Variants in NELL1 observed in about 807,000 individuals in gnomAD.
The protein encoded by NELL1 is neural EGFL like 1.
In NELL1, 76 loss-of-function variants were observed where a neutral mutation model predicts 107.4. The ratio of observed to expected loss-of-function variants is 0.71; its 90% CI spans 0.59 to 0.86. The LOEUF is 0.86. Ranked by LOEUF, NELL1 falls within the 40% of genes least tolerant of loss-of-function variation. The probability of loss-of-function intolerance (pLI) is 0.00; values close to 1 mark genes in which losing one functional copy is unlikely to be tolerated. For missense variants in NELL1, 1,024 were observed against 1,005.5 expected, an observed-to-expected ratio of 1.02 and a Z score of -0.25; for synonymous variants, 353 against 341.2, an observed-to-expected ratio of 1.03 and a Z score of -0.38.
At chr11:21,441,796 C>T (rs993481333) in intron 15 of NELL1, among the ~76,000 whole-genome samples, 34 of 152,196 alleles carry the variant, frequency 2.2e-4, no homozygotes, top group African/African-American at 7.0e-4. Context: ...TATTAAATGC[C>T]TTGGCTAAAC....
At chr11:21,554,218 A>G (rs1856654909) in intron 16 of NELL1, among the ~76,000 whole-genome samples, 1 of 151,910 alleles carries the variant, frequency 6.6e-6, no homozygotes, top group Admixed American at 6.6e-5. Context: ...TGATTAATTT[A>G]GAAGAAACTT....
intron 14 of NELL1, among the ~76,000 whole-genome samples, chr11:21,308,543 A>G (rs761557815): frequency 6.6e-5 from 10 of 152,092 alleles, no homozygotes; most frequent in Non-Finnish European, 1.0e-4. Context: ...TTCTTTTATC[A>G]TGGAGCTTAT....
chr11:20,858,677 A>T (rs1421805282), intron 4 of NELL1, among the ~76,000 whole-genome samples: 1 of 152,168 alleles, frequency 6.6e-6, no homozygotes, highest in African/African-American at 2.4e-5. Context: ...TCTTATCCAT[A>T]AACTCTCCAA....
chr11:20,826,913 T>C (rs1339123509), intron 3 of NELL1, among the ~76,000 whole-genome samples: 1 of 151,270 alleles, frequency 6.6e-6, no homozygotes, highest in African/African-American at 2.4e-5. Flanking sequence ...GCTGAAGGTA[T>C]ACTTTTGTGT....
chr11:20,835,990 AC>A (rs1564928330), intron 3 of NELL1, among the ~76,000 whole-genome samples: 2 of 152,172 alleles, frequency 1.3e-5, no homozygotes, highest in African/African-American at 4.8e-5. Context: ...GATTAAAAAA[AC>A]AAGTTATAGA....
intron 14 of NELL1, among the ~76,000 whole-genome samples, chr11:21,236,890 T>G (rs1858221435): frequency 6.6e-6 from 1 of 152,092 alleles, no homozygotes; most frequent in Non-Finnish European, 1.5e-5. Flanking sequence ...AGAAACATAC[T>G]TTTGCCTATA....
intron 15 of NELL1, among the ~76,000 whole-genome samples, chr11:21,425,757 A>C (rs992406074): frequency 5.3e-5 from 8 of 152,210 alleles, no homozygotes; most frequent in Non-Finnish European, 8.8e-5. Flanking sequence ...ATAGAAAACT[A>C]ATACAAAGAT....
intron 12 of NELL1, among the ~76,000 whole-genome samples, chr11:21,063,828 TAAAC>T (rs1853803166): frequency 6.6e-6 from 1 of 152,184 alleles, no homozygotes; most frequent in South Asian, 2.1e-4. Context: ...CAGACAACAA[TAAAC>T]AAACTAACTA....
At chr11:21,222,595 T>C (rs926383545) in intron 13 of NELL1, among the ~76,000 whole-genome samples, 2 of 152,208 alleles carry the variant, frequency 1.3e-5, no homozygotes, top group Non-Finnish European at 2.9e-5. Flanking sequence ...GCTCTTGCTT[T>C]TGAAATCACT....
chr11:21,511,573 G>T (rs892425512), intron 15 of NELL1, among the ~76,000 whole-genome samples: 1 of 152,172 alleles, frequency 6.6e-6, no homozygotes, highest in Non-Finnish European at 1.5e-5. Flanking sequence ...AGGAAGCAAG[G>T]TAATGGATTA....
At chr11:21,492,890 T>TATA (rs375172796) in intron 15 of NELL1, among the ~76,000 whole-genome samples, 21 of 151,528 alleles carry the variant, frequency 1.4e-4, no homozygotes, top group South Asian at 2.1e-4. Context: ...AAACTTAAAG[T>TATA]ATAATAATAA....
At chr11:21,253,979 G>A (rs1858706224) in intron 14 of NELL1, among the ~76,000 whole-genome samples, 1 of 152,118 alleles carries the variant, frequency 6.6e-6, no homozygotes, top group South Asian at 2.1e-4. Flanking sequence ...TGACTACTGA[G>A]GGGATGCAGA....
chr11:20,975,955 A>G (rs183074851), intron 12 of NELL1, among the ~76,000 whole-genome samples: 2 of 132,332 alleles, frequency 1.5e-5, no homozygotes, highest in Non-Finnish European at 3.1e-5. Flanking sequence ...ATATATGTAC[A>G]TTATATATAC....
chr11:21,545,150 A>G (rs1013931271), intron 16 of NELL1, among the ~76,000 whole-genome samples: 1 of 152,124 alleles, frequency 6.6e-6, no homozygotes, highest in East Asian at 1.9e-4. Context: ...TTTTTGACAA[A>G]CATATTTCTT....
intron 12 of NELL1, among the ~76,000 whole-genome samples, chr11:21,015,629 G>T (rs1315514001): frequency 1.3e-5 from 2 of 152,006 alleles, no homozygotes; most frequent in East Asian, 1.9e-4. Context: ...AAACACCTTT[G>T]TTTGGTAATG....
chr11:20,948,779 A>C (rs1590451781), intron 11 of NELL1, among the ~76,000 whole-genome samples: 2 of 151,612 alleles, frequency 1.3e-5, no homozygotes, highest in Non-Finnish European at 2.9e-5. Context: ...AAAAAAAAAA[A>C]AAAAAAAACA....
intron 15 of NELL1, among the ~76,000 whole-genome samples, chr11:21,491,095 A>T (rs1854794951): frequency 6.6e-6 from 1 of 152,102 alleles, no homozygotes; most frequent in Non-Finnish European, 1.5e-5. Context: ...AAACAACTCA[A>T]CAATAATATA....
At chr11:20,928,509 G>C in intron 9 of NELL1, 30 bp downstream of exon 9, 8 of 1,538,004 alleles carry the variant, frequency 5.2e-6, no homozygotes, top group Non-Finnish European at 7.2e-6. Context: ...CAGACTGGCT[G>C]TCTGTGTTTT....
chr11:21,499,609 G>A (rs969859926), intron 15 of NELL1, among the ~76,000 whole-genome samples: 5 of 152,100 alleles, frequency 3.3e-5, no homozygotes, highest in Non-Finnish European at 5.9e-5. Flanking sequence ...GTTGTGGCAA[G>A]TTGTAAGTTT....
Sources: allele counts gnomAD v4.1 joint callset (sites outside exome capture counted in the v4.1 genomes callset), GRCh38; gene constraint gnomAD v4.1.1; transcripts MANE v1.5; gene names NCBI Gene and HGNC (gene_info 2026-07-23, HGNC 2026-07-21).